The following SGCZ variants were observed in gnomAD, a reference collection of about 807,000 sequenced individuals.
The protein encoded by SGCZ is sarcoglycan zeta.
Under a neutral mutation model 41.3 loss-of-function variants are expected in SGCZ, and 40 were observed. The observed-to-expected ratio is 0.97, with a 90% CI of 0.75 to 1.26. The LOEUF (loss-of-function observed/expected upper bound fraction) is 1.26. SGCZ is among the 50% of genes most tolerant of loss of function. The pLI, the probability that SGCZ is intolerant of heterozygous loss-of-function variation, is 0.00. For synonymous variants in SGCZ, 206 were observed against 137.5 expected (o/e 1.50, Z -3.49); for missense variants, 552 against 369.8 (o/e 1.49, Z -4.04).
chr8:14,654,496 A>G (rs1807498186), intron 1 of SGCZ, among the ~76,000 whole-genome samples: 2 of 152,176 alleles, frequency 1.3e-5, no homozygotes, highest in African/African-American at 2.4e-5. Flanking sequence ...AAAATTGCCA[A>G]TATGTAGCAA....
chr8:14,747,255 C>A (rs141432669), intron 1 of SGCZ, among the ~76,000 whole-genome samples: 2 of 152,256 alleles, frequency 1.3e-5, no homozygotes, highest in South Asian at 2.1e-4. Flanking sequence ...GTGTGAATAC[C>A]CATCTCGTCT....
chr8:14,807,761 C>A (rs1801593462), intron 1 of SGCZ, among the ~76,000 whole-genome samples: 1 of 151,992 alleles, frequency 6.6e-6, no homozygotes, highest in African/African-American at 2.4e-5. Flanking sequence ...AAAAAAGAGC[C>A]CGCATCACCA....
At chr8:14,751,158 T>C (rs1419692591) in intron 1 of SGCZ, among the ~76,000 whole-genome samples, 1 of 152,226 alleles carries the variant, frequency 6.6e-6, no homozygotes, top group African/African-American at 2.4e-5. Flanking sequence ...ATTATTAATA[T>C]ATTTTTATAT....
chr8:15,233,535 T>C (rs1249557950), intron 1 of SGCZ, among the ~76,000 whole-genome samples: 2 of 152,070 alleles, frequency 1.3e-5, no homozygotes, highest in African/African-American at 4.8e-5. Context: ...GACCTCATTA[T>C]ATTATTTAGG....
chr8:14,596,397 C>A (rs1380256403), intron 1 of SGCZ, among the ~76,000 whole-genome samples: 1 of 152,166 alleles, frequency 6.6e-6, no homozygotes, highest in Admixed American at 6.5e-5. Flanking sequence ...GACAATTTAT[C>A]ACTCGGCAAT....
At chr8:14,974,682 G>A (rs1056536567) in intron 1 of SGCZ, among the ~76,000 whole-genome samples, 9 of 152,220 alleles carry the variant, frequency 5.9e-5, no homozygotes, top group Non-Finnish European at 1.3e-4. Context: ...ACTGAACTCT[G>A]TATTAAGAAC....
chr8:14,414,004 A>T (rs1799429269), intron 2 of SGCZ, among the ~76,000 whole-genome samples: 1 of 152,002 alleles, frequency 6.6e-6, no homozygotes, highest in Non-Finnish European at 1.5e-5. Context: ...GTTTCTCAAG[A>T]TACCCCATGA....
chr8:14,594,843 A>C (rs1384702661), intron 1 of SGCZ, among the ~76,000 whole-genome samples: 1 of 151,550 alleles, frequency 6.6e-6, no homozygotes, highest in East Asian at 1.9e-4. Flanking sequence ...TTTCCTTAAA[A>C]ATTTTTTTAC....
intron 2 of SGCZ, among the ~76,000 whole-genome samples, chr8:14,441,359 G>A (rs1284284929): frequency 3.9e-5 from 6 of 152,082 alleles, no homozygotes; most frequent in Non-Finnish European, 8.8e-5. Context: ...GGTGGATCAC[G>A]AGGTCAAGAG....
At chr8:15,096,097 A>G (rs1220587105) in intron 1 of SGCZ, among the ~76,000 whole-genome samples, 1 of 151,966 alleles carries the variant, frequency 6.6e-6, no homozygotes, top group African/African-American at 2.4e-5. Context: ...ATTTTTTTTG[A>G]GATGGAGTCT....
intron 1 of SGCZ, among the ~76,000 whole-genome samples, chr8:14,784,924 A>ATATATAATATATATATTTTTTATAT (rs1563267332): frequency 9.4e-6 from 1 of 105,878 alleles, no homozygotes; most frequent in Non-Finnish European, 1.9e-5. Context: ...ATATATATAT[A>ATATATAATATATATATTTTTTATAT]TATATATATA....
At chr8:14,447,982 ATAGT>A (rs1800481644) in intron 2 of SGCZ, among the ~76,000 whole-genome samples, 1 of 152,204 alleles carries the variant, frequency 6.6e-6, no homozygotes, top group Non-Finnish European at 1.5e-5. Context: ...GGAAATGTAC[ATAGT>A]GGTGAATTTC....
chr8:15,086,624 A>G (rs115084770), intron 1 of SGCZ, among the ~76,000 whole-genome samples: 1,526 of 151,896 alleles, frequency 0.01, 21 homozygotes, highest in African/African-American at 0.033. Flanking sequence ...CCTCAAAAAC[A>G]TATACAATTA....
intron 1 of SGCZ, among the ~76,000 whole-genome samples, chr8:14,705,762 C>G (rs1226564847): frequency 6.6e-6 from 1 of 151,978 alleles, no homozygotes; most frequent in Admixed American, 6.6e-5. Context: ...CTTTGGAAAA[C>G]AGTTTTTCTG....
chr8:14,691,055 T>C (rs537779628), intron 1 of SGCZ, among the ~76,000 whole-genome samples: 53 of 152,324 alleles, frequency 3.5e-4, no homozygotes, highest in African/African-American at 1.3e-3. Flanking sequence ...TAAGTCCTAC[T>C]ATATGTATCA....
chr8:14,775,336 G>A (rs1487157130), intron 1 of SGCZ, among the ~76,000 whole-genome samples: 3 of 152,014 alleles, frequency 2.0e-5, no homozygotes. Context: ...GCAGAGTTCT[G>A]GTTTCACACA....
intron 1 of SGCZ, among the ~76,000 whole-genome samples, chr8:15,140,215 G>A (rs1235967302): frequency 6.6e-6 from 1 of 151,994 alleles, no homozygotes; most frequent in Non-Finnish European, 1.5e-5. Context: ...TGTAGACAAA[G>A]GGCCTCTCTT....
Position 14,108,204 on chromosome 8 carries a change from C to T in SGCZ, c.579G>A (p.Val193=). 1 of 1,614,096 alleles carries T rather than the reference C, an allele frequency of 6.2e-7. No individual in the cohort carries two copies. ...GCTCTGCTCTGATGTGCGGCGTCTC[C>T]ACAGAGTGCCCAAATACGGCTCCTT... is the stretch of plus-strand genomic sequence containing the variant. ...GTEGAVFGHS[V]ETPHIRAEPS... Residue 193 remains valine (V), a synonymous_variant, in exon 6 of 8, where the codon GTG becomes GTA. Transcript: ENST00000382080.
intron 1 of SGCZ, among the ~76,000 whole-genome samples, chr8:14,786,271 A>G (rs1800764421): frequency 6.6e-6 from 1 of 152,176 alleles, no homozygotes; most frequent in Non-Finnish European, 1.5e-5. Flanking sequence ...TTTTAAATAC[A>G]AATGAGCATT....
Sources: allele counts gnomAD v4.1 joint callset (sites outside exome capture counted in the v4.1 genomes callset), GRCh38; gene constraint gnomAD v4.1.1; transcripts MANE v1.5; gene names NCBI Gene and HGNC (gene_info 2026-07-23, HGNC 2026-07-21).